UTS2B: variants seen among roughly 807,000 people sequenced by gnomAD.
The protein encoded by UTS2B is urotensin 2B.
A neutral mutation model predicts 19.2 loss-of-function variants in UTS2B; 21 were observed. The ratio of observed to expected loss-of-function variants is 1.09; its 90% CI spans 0.78 to 1.58. The LOEUF (loss-of-function observed/expected upper bound fraction) is 1.58. UTS2B is among the 40% of genes most tolerant of loss of function. The pLI, the probability that UTS2B is intolerant of heterozygous loss-of-function variation, is 0.00. For missense variants in UTS2B, 138 were observed against 130.3 expected (o/e 1.06, Z -0.29); for synonymous variants, 57 against 50.2 (o/e 1.14, Z -0.58).
chr3:191,273,361 T>C, intron 8 of UTS2B: 3 of 415,444 alleles, frequency 7.2e-6, no homozygotes, highest in South Asian at 3.6e-5. Flanking sequence ...CCAAGTACTA[T>C]AGGTACTTCC....
intron 2 of UTS2B, among the ~76,000 whole-genome samples, chr3:191,327,890 C>T (rs56134151): frequency 0.25 from 37,275 of 152,106 alleles, 5,081 homozygotes; most frequent in Non-Finnish European, 0.3. Context: ...TCTAATACCA[C>T]TTCCTTCTTA....
Position 191,288,667 on chromosome 3 carries a change from T to TAAA in UTS2B, c.-124-6357_-124-6355dup, listed in dbSNP as rs34943784. Among the ~76,000 whole-genome samples, 316 of 150,128 alleles carry TAAA rather than the reference T, an allele frequency of 2.1e-3. 3 individuals carry two copies. Among genetic ancestry groups the TAAA allele is most frequent in the East Asian group, 0.012 (63 of 5,124 alleles). On this transcript the variant is annotated intron_variant, in intron 4 of 8. Coordinates refer to ENST00000340524, the MANE Select transcript of UTS2B (RefSeq NM_198152.5). ...AAGGCCTGATACTGTAAATCTACTG[T>TAAA]AAAAAAAAAACTACTTTTTTCTATT...
intron 4 of UTS2B, among the ~76,000 whole-genome samples, chr3:191,288,311 A>C (rs1427929242): frequency 6.6e-6 from 1 of 152,236 alleles, no homozygotes; most frequent in Admixed American, 6.5e-5. Context: ...GAAGATCCCA[A>C]ATAGCCAAAG....
chr3:191,317,213 G>C (rs961970782), intron 2 of UTS2B, among the ~76,000 whole-genome samples: 15 of 152,234 alleles, frequency 9.9e-5, no homozygotes, highest in Non-Finnish European at 1.8e-4. Context: ...TGGGGGACCT[G>C]GTGCACTCTC....
Position 191,267,764 on chromosome 3 carries a change from T to A in UTS2B, c.*652A>T, listed in dbSNP as rs1194172059. ...CATTTGTATGTAGAAGTACAGTACA[T>A]TTGTATGTAGAAGTACAGTATACAG... On this transcript the variant is annotated 3_prime_UTR_variant, in exon 9 of 9. Coordinates refer to ENST00000340524, the MANE Select transcript of UTS2B (RefSeq NM_198152.5). 1 of 151,472 alleles carries A rather than the reference T, an allele frequency of 6.6e-6. No individual in the cohort carries two copies. Among genetic ancestry groups the A allele is most frequent in the Admixed American group, 6.6e-5 (1 of 15,168 alleles). The allele number at this position is 151,472 out of a possible 1,614,324, so 9.4% of individuals were successfully genotyped here. A position where few individuals can be genotyped will look rare whatever the true frequency, so the allele number is the denominator to read the frequency against.
intron 2 of UTS2B, among the ~76,000 whole-genome samples, chr3:191,325,919 A>G (rs1717733314): frequency 6.6e-6 from 1 of 152,222 alleles, no homozygotes; most frequent in Non-Finnish European, 1.5e-5. Context: ...TAAGCCATTC[A>G]GTCTGTGGTA....
At chr3:191,291,395 T>C (rs1427703300) in intron 4 of UTS2B, among the ~76,000 whole-genome samples, 1 of 152,194 alleles carries the variant, frequency 6.6e-6, no homozygotes, top group African/African-American at 2.4e-5. Context: ...CACAAAGATT[T>C]ATGCCTATAT....
At chr3:191,273,142 T>C (rs1160689534) in intron 8 of UTS2B, among the ~76,000 whole-genome samples, 2 of 152,230 alleles carry the variant, frequency 1.3e-5, no homozygotes, top group Non-Finnish European at 2.9e-5. Context: ...CACTCCAGCC[T>C]GGGCTACAGA....
At chr3:191,306,984 C>G (rs1476695153) in intron 3 of UTS2B, among the ~76,000 whole-genome samples, 58 of 152,166 alleles carry the variant, frequency 3.8e-4, no homozygotes, top group Non-Finnish European at 1.5e-4. Context: ...CATTAACTAA[C>G]CCCTTCCAAA....
intron 3 of UTS2B, among the ~76,000 whole-genome samples, chr3:191,310,730 A>G (rs1178640230): frequency 9.2e-6 from 1 of 109,120 alleles, no homozygotes; most frequent in African/African-American, 3.0e-5. Context: ...AGTAGCAATG[A>G]TCAGAGTTAT....
chr3:191,307,792 T>C (rs1046003574), intron 3 of UTS2B, among the ~76,000 whole-genome samples: 2 of 152,020 alleles, frequency 1.3e-5, no homozygotes, highest in African/African-American at 4.8e-5. Context: ...GCACCTTATG[T>C]AGGTGCTTTT....
chr3:191,296,196 C>A (rs1193733976), intron 4 of UTS2B, among the ~76,000 whole-genome samples: 1 of 152,148 alleles, frequency 6.6e-6, no homozygotes, highest in African/African-American at 2.4e-5. Context: ...AAATGTCAAG[C>A]AACTTTCTGC....
intron 2 of UTS2B, among the ~76,000 whole-genome samples, chr3:191,320,038 A>G (rs546570561): frequency 6.6e-6 from 1 of 152,274 alleles, no homozygotes; most frequent in East Asian, 1.9e-4. Flanking sequence ...ACACTATTCT[A>G]TGTACTGACA....
chr3:191,338,208 C>T, the UTS2B span, among the ~76,000 whole-genome samples: 402 of 152,288 alleles, frequency 2.6e-3, 2 homozygotes, highest in African/African-American at 9.3e-3. Context: ...TGGAGGAGTC[C>T]ATGATTGACT....
chr3:191,331,139 T>C (rs1490740047), upstream of UTS2B, among the ~76,000 whole-genome samples: 2 of 152,152 alleles, frequency 1.3e-5, no homozygotes, highest in Non-Finnish European at 2.9e-5. Context: ...GGGTTTTTTG[T>C]GTGGGTATGT....
At chr3:191,315,721 C>T (rs982953082) in intron 3 of UTS2B, among the ~76,000 whole-genome samples, 14 of 152,114 alleles carry the variant, frequency 9.2e-5, no homozygotes, top group African/African-American at 3.4e-4. Flanking sequence ...CTAGCTTTTT[C>T]GTCATTTTTG....
At chr3:191,330,880 G>A (rs1002728394), upstream of UTS2B, among the ~76,000 whole-genome samples, 9 of 152,278 alleles carry the variant, frequency 5.9e-5, no homozygotes, top group East Asian at 1.7e-3. Context: ...TAGAATTTCT[G>A]ATGGGCCTAG....
chr3:191,297,703 A>G (rs758440102), intron 4 of UTS2B, among the ~76,000 whole-genome samples: 2 of 152,214 alleles, frequency 1.3e-5, no homozygotes, highest in African/African-American at 2.4e-5. Context: ...TGTGGTGTGG[A>G]TTAAAGGAGA....
At chr3:191,282,435 C>A (rs1255383565) in intron 4 of UTS2B, 122 bp from the exon 5 acceptor site, 2 of 401,772 alleles carry the variant, frequency 5.0e-6, no homozygotes, top group Non-Finnish European at 9.0e-6. Context: ...GCAGGAAGAA[C>A]CCAATCAATA....
Sources: allele counts gnomAD v4.1 joint callset (sites outside exome capture counted in the v4.1 genomes callset), GRCh38; gene constraint gnomAD v4.1.1; transcripts MANE v1.5; gene names NCBI Gene and HGNC (gene_info 2026-07-23, HGNC 2026-07-21).